Variants in KIAA0586 observed in about 807,000 individuals in gnomAD.
The protein encoded by KIAA0586 is KIAA0586.
Under a neutral mutation model 169.8 loss-of-function variants are expected in KIAA0586, and 144 were observed. The ratio of observed to expected loss-of-function variants is 0.85; its 90% CI spans 0.74 to 0.97. KIAA0586 has a LOEUF of 0.97. KIAA0586 is among the 50% of genes least tolerant of loss of function. The probability of loss-of-function intolerance (pLI) is 0.00; values close to 1 mark genes in which losing one functional copy is unlikely to be tolerated. For synonymous variants in KIAA0586, 625 were observed against 612.4 expected, an observed-to-expected ratio of 1.02 and a Z score of -0.30; for missense variants, 1,854 against 1,823.0, an observed-to-expected ratio of 1.02 and a Z score of -0.31.
In KIAA0586 at chr14:58,488,115, TGAGAACA is replaced by T; in HGVS notation, c.3527+7_3527+13del. ...GAACTTCATCCAAGAGCTATGTAAATGAGAACATACTCACTAGTAACTGTACATTTCA... is the reference window on the plus strand; with the variant it reads ...GAACTTCATCCAAGAGCTATGTAAATTACTCACTAGTAACTGTACATTTCA... On this transcript the variant is annotated splice_region_variant and intron_variant, in intron 23 of 30. Transcript: ENST00000652326. The T allele has an allele frequency of 6.4e-7, 1 of 1,569,418 alleles. No individual in the cohort carries two copies. Among genetic ancestry groups the T allele is most frequent in the Non-Finnish European group, 8.7e-7 (1 of 1,151,986 alleles).
Position 58,474,686 on chromosome 14 carries a change from A to C in KIAA0586, c.2714A>C (p.Lys905Thr). ...AGAAGTGTTAAAGCTGATTCTACAA[A>C]ATATAATGGTCCTCCATTTCCGCCA... Reference protein sequence around the residue: ...FNRSVKADSTKYNGPPFPPVA... With the variant: ...FNRSVKADSTTYNGPPFPPVA... The change falls in exon 19 of 31, where the codon AAA becomes ACA. Residue 905 changes from lysine (K) to threonine (T), a missense_variant. Lys to Thr is a moderately conservative substitution (Grantham distance 78). Coordinates refer to ENST00000652326, the MANE Select transcript of KIAA0586 (RefSeq NM_001329943.3). 6.2e-7 allele frequency: 1 copy of C among 1,613,202 alleles called. No individual in the cohort carries two copies. The highest frequency in any genetic ancestry group is 8.5e-7 in the Non-Finnish European group (1 of 1,179,542).
intron 29 of KIAA0586, among the ~76,000 whole-genome samples, chr14:58,532,560 C>T (rs2046043534): frequency 6.6e-6 from 1 of 151,074 alleles, no homozygotes; most frequent in African/African-American, 2.5e-5. Flanking sequence ...TTTAAGAAAT[C>T]TATTATTATT....
intron 29 of KIAA0586, among the ~76,000 whole-genome samples, chr14:58,531,521 TAGAA>T (rs1301126559): frequency 6.6e-6 from 1 of 152,060 alleles, no homozygotes; most frequent in Non-Finnish European, 1.5e-5. Flanking sequence ...TGGCGATCAT[TAGAA>T]AGTCAGGAAA....
chr14:58,442,344 G>C (rs1462411255), intron 4 of KIAA0586, among the ~76,000 whole-genome samples: 1 of 152,176 alleles, frequency 6.6e-6, no homozygotes, highest in Admixed American at 6.5e-5. Flanking sequence ...TCCTGACCTG[G>C]TGATCCACCT....
At chr14:58,444,915 GAAAAAAA>G (rs869127762) in intron 6 of KIAA0586, among the ~76,000 whole-genome samples, 14 of 111,952 alleles carry the variant, frequency 1.3e-4, no homozygotes, top group Middle Eastern at 5.0e-3. Context: ...CATCTCTTAG[GAAAAAAA>G]AAAAAAAAAA....
At chr14:58,520,254 A>T (rs979154062) in intron 29 of KIAA0586, among the ~76,000 whole-genome samples, 1 of 152,202 alleles carries the variant, frequency 6.6e-6, no homozygotes, top group African/African-American at 2.4e-5. Flanking sequence ...TTTTTAGTAT[A>T]TGCAAAAAGT....
At chr14:58,540,031 C>G in intron 29 of KIAA0586, 40 bp from the exon 30 acceptor site, 1 of 1,181,820 alleles carries the variant, frequency 8.5e-7, no homozygotes, top group Non-Finnish European at 1.2e-6. Context: ...TATTTCTATG[C>G]TTAACTGATT....
intron 20 of KIAA0586, among the ~76,000 whole-genome samples, chr14:58,480,657 A>C (rs2041973298): frequency 6.6e-6 from 1 of 152,014 alleles, no homozygotes; most frequent in African/African-American, 2.4e-5. Context: ...AAAGCCTTGG[A>C]GTTATTATTT....
chr14:58,519,133 A>G (rs1365029172), intron 29 of KIAA0586, among the ~76,000 whole-genome samples: 1 of 152,244 alleles, frequency 6.6e-6, no homozygotes, highest in African/African-American at 2.4e-5. Context: ...CTCTGTCTCA[A>G]AACCAAAACC....
rs756943028 is a variant in KIAA0586, at chr14:58,450,716, A to C, written c.1099A>C (p.Lys367Gln). ...AAAGAGGGAAAATCTTTTGGAAGAA[A>C]AAGAAAATATGGAAGTGTCGTGTCA... ...LSKRENLLEE[K>Q]ENMEVSCHRG... The change falls in exon 8 of 31, where the codon AAA becomes CAA. Residue 367 changes from lysine (K) to glutamine (Q), a missense_variant. Lys to Gln is a moderately conservative substitution (Grantham distance 53, BLOSUM62 1). Transcript: ENST00000652326. The C allele has an allele frequency of 1.2e-6, 2 of 1,607,458 alleles. No individual in the cohort carries two copies. Among genetic ancestry groups the C allele is most frequent in the Admixed American group, 1.7e-5 (1 of 59,840 alleles).
chr14:58,547,662 G>A (rs758493049), intron 30 of KIAA0586, 119 bp from the exon 31 acceptor site: 14 of 888,812 alleles, frequency 1.6e-5, no homozygotes, highest in Non-Finnish European at 2.3e-5. Flanking sequence ...TCCCTTGTAG[G>A]CAATCCTTAT....
Position 58,465,848 on chromosome 14 carries a change from G to A in KIAA0586, c.2073G>A (p.Lys691=), listed in dbSNP as rs2040717073. The part of the protein sequence containing the change: ...VIERVKGTKV[K]SIRTQTDFYA... ...TGATTATTATAGGCACTAAGGTAAA[G>A]TCAATAAGAACACAGACTGACTTCT... The change falls in exon 15 of 31, where the codon AAG becomes AAA. Residue 691 remains lysine (K), a synonymous_variant. Coordinates refer to ENST00000652326, the MANE Select transcript of KIAA0586 (RefSeq NM_001329943.3). 3 of 1,602,144 alleles carry A rather than the reference G, an allele frequency of 1.9e-6. No individual in the cohort carries two copies. Among genetic ancestry groups the A allele is most frequent in the South Asian group, 1.1e-5 (1 of 88,834 alleles).
chr14:58,442,626 A>T, intron 4 of KIAA0586, 80 bp from the exon 5 acceptor site: 1 of 1,062,942 alleles, frequency 9.4e-7, no homozygotes, highest in Non-Finnish European at 1.3e-6. Context: ...CACCTTCGGC[A>T]GATTACCATT....
intron 6 of KIAA0586, among the ~76,000 whole-genome samples, chr14:58,445,172 T>G (rs1287928826): frequency 3.3e-5 from 5 of 151,272 alleles, no homozygotes; most frequent in Non-Finnish European, 5.9e-5. Context: ...CAAACACACA[T>G]GCTTAGGCCT....
intron 29 of KIAA0586, among the ~76,000 whole-genome samples, chr14:58,520,080 G>A (rs2045084258): frequency 6.6e-6 from 1 of 152,170 alleles, no homozygotes; most frequent in Admixed American, 6.5e-5. Flanking sequence ...CCGAGAATAT[G>A]CCCAAGGGTG....
chr14:58,436,222 A>G (rs2140460436), intron 4 of KIAA0586, among the ~76,000 whole-genome samples: 1 of 152,336 alleles, frequency 6.6e-6, no homozygotes, highest in East Asian at 1.9e-4. Context: ...AATATTGTGT[A>G]TTCAGAATAT....
At chr14:58,489,756 C>T (rs1422889692) in intron 24 of KIAA0586, among the ~76,000 whole-genome samples, 2 of 152,112 alleles carry the variant, frequency 1.3e-5, no homozygotes, top group South Asian at 4.2e-4. Flanking sequence ...TGCCTAAAAG[C>T]GAAATTGCTG....
rs2140662151 is a variant in KIAA0586, at chr14:58,448,366, G to A, written c.834G>A (p.Lys278=). 1 of 1,600,400 alleles carries A rather than the reference G, an allele frequency of 6.2e-7. No individual in the cohort carries two copies. Among genetic ancestry groups the A allele is most frequent in the South Asian group, 1.1e-5 (1 of 90,282 alleles). The change falls in exon 7 of 31, where the codon AAG becomes AAA. Residue 278 remains lysine (K), a synonymous_variant. Transcript: ENST00000652326. ...CTCATTTTATTAGTGCTGCACTCAA[G>A]ACTAGTAGTTTTCAGCCTGTTAGTA... is the stretch of plus-strand genomic sequence containing the variant. The part of the protein sequence containing the change: ...IQTHFISAAL[K]TSSFQPVSMP...
At chr14:58,427,608 A>G (rs759487709), upstream of KIAA0586, 5 of 1,535,452 alleles carry the variant, frequency 3.3e-6, no homozygotes, top group South Asian at 4.8e-5. Context: ...AGCACCAGAG[A>G]GCGCTTAGCT....
Sources: gnomAD v4.1 joint callset for allele counts (sites outside exome capture counted in the v4.1 genomes callset) on GRCh38, gnomAD v4.1.1 for gene constraint, MANE v1.5 for transcripts, NCBI Gene and HGNC (gene_info 2026-07-23, HGNC 2026-07-21) for gene names.